Variants in ACLY observed in about 807,000 individuals in gnomAD.
ACLY encodes the protein ATP-citrate synthase.
Under a neutral mutation model 133.0 loss-of-function variants are expected in ACLY, and 41 were observed. The ratio of observed to expected loss-of-function variants is 0.31; its 90% CI spans 0.24 to 0.40. ACLY has a LOEUF of 0.40. Among genes scored for constraint, ACLY ranks in the 10% least tolerant of loss-of-function variants. The probability of loss-of-function intolerance (pLI) is 1.00; values close to 1 mark genes in which losing one functional copy is unlikely to be tolerated. For synonymous variants in ACLY, 495 were observed against 549.3 expected (o/e 0.90, Z 1.38); for missense variants, 1,046 against 1,453.8 (o/e 0.72, Z 4.56).
At position 41,928,548 on chromosome 17, in the gene ACLY, G is replaced by GA. The variant is rs781920464; in HGVS notation, c.-28+1809dup. ...TCTTAAAATCAGCTTGTTAATTACT[G>GA]AAAAAAAAAAAAGGCTGCTGGGGCC... is the stretch of plus-strand genomic sequence containing the variant. On this transcript the variant is annotated intron_variant, in intron 1 of 3. Coordinates refer to the ACLY transcript ENST00000592970. Among the ~76,000 whole-genome samples, 695 of 140,654 alleles carry GA rather than the reference G, an allele frequency of 4.9e-3. 3 individuals carry two copies. The highest frequency in any genetic ancestry group is 0.015 in the Middle Eastern group (4 of 260). The allele number at this position is 140,654 out of a possible 152,430, so 92.3% of individuals were successfully genotyped here. A position where few individuals can be genotyped will look rare whatever the true frequency, so the allele number is the denominator to read the frequency against.
At chr17:41,890,822 G>A (rs2049187314) in intron 16 of ACLY, among the ~76,000 whole-genome samples, 1 of 78,418 alleles carries the variant, frequency 1.3e-5, no homozygotes, top group South Asian at 4.6e-4. Flanking sequence ...CCAACATGGT[G>A]AAACCCCATC....
At position 41,892,264 on chromosome 17, in the gene ACLY, A is replaced by T; in HGVS notation, c.1770+15T>A. The T allele has an allele frequency of 2.5e-6, 1 of 398,900 alleles. No homozygotes were observed. Among genetic ancestry groups the T allele is most frequent in the Non-Finnish European group, 4.0e-6 (1 of 252,044 alleles). The allele number at this position is 398,900 out of a possible 1,614,324, so 24.7% of individuals were successfully genotyped here. On this transcript the variant is annotated intron_variant, in intron 16 of 28. Coordinates refer to ENST00000352035, the MANE Select transcript of ACLY (RefSeq NM_001096.3). Reference sequence around the variant, plus strand: ...ATGGTCCCCACCCCCCACCCTCCAGAGCCCAGTGATCTACCTGGGCATAGT... The same window carrying T: ...ATGGTCCCCACCCCCCACCCTCCAGTGCCCAGTGATCTACCTGGGCATAGT...
At chr17:41,916,909 C>T (rs576817419) in intron 1 of ACLY, among the ~76,000 whole-genome samples, 1 of 151,846 alleles carries the variant, frequency 6.6e-6, no homozygotes, top group Admixed American at 6.6e-5. Context: ...CTTCGGGAGG[C>T]CAAGGAGGGC....
Position 41,867,092 on chromosome 17 carries a change from T to A in ACLY, c.*718A>T, listed in dbSNP as rs1487531260. Reference sequence around the variant, plus strand: ...ATCAGCTGCATAAATACAGAGAACATAAGACACAAGACATTTCACAGCTTT... The same window carrying A: ...ATCAGCTGCATAAATACAGAGAACAAAAGACACAAGACATTTCACAGCTTT... On this transcript the variant is annotated 3_prime_UTR_variant, in exon 29 of 29. Transcript: ENST00000352035. The A allele has an allele frequency of 6.6e-6, 1 of 152,586 alleles. No individual in the cohort carries two copies. Among genetic ancestry groups the A allele is most frequent in the Non-Finnish European group, 1.5e-5 (1 of 68,008 alleles). 9.5% of individuals were successfully genotyped at this position (152,586 alleles called of 1,614,324 possible).
At chr17:41,894,618 C>T (rs960831677) in intron 14 of ACLY, among the ~76,000 whole-genome samples, 2 of 150,882 alleles carry the variant, frequency 1.3e-5, no homozygotes, top group African/African-American at 4.9e-5. Flanking sequence ...CACGCCTGTA[C>T]CAAAATATCT....
At chr17:41,872,980 C>T (rs1450528090) in intron 23 of ACLY, among the ~76,000 whole-genome samples, 1 of 152,192 alleles carries the variant, frequency 6.6e-6, no homozygotes, top group African/African-American at 2.4e-5. Flanking sequence ...GGGCATGACA[C>T]AACCAAAGAC....
intron 10 of ACLY, 141 bp from the exon 11 acceptor site, chr17:41,901,954 C>G: frequency 1.6e-6 from 1 of 628,748 alleles, no homozygotes; most frequent in South Asian, 2.2e-5. Context: ...GCAGCCACGG[C>G]CTGGGATATG....
At chr17:41,875,712 G>A (rs1335310015) in intron 22 of ACLY, among the ~76,000 whole-genome samples, 1 of 152,236 alleles carries the variant, frequency 6.6e-6, no homozygotes, top group Non-Finnish European at 1.5e-5. Flanking sequence ...CTGAGGTGCC[G>A]GGATTGCAGA....
intron 18 of ACLY, 115 bp downstream of exon 18, chr17:41,885,997 G>A: frequency 1.0e-6 from 1 of 988,816 alleles, no homozygotes; most frequent in Non-Finnish European, 1.6e-6. Flanking sequence ...GACTTCAGCA[G>A]CATTCCTGCG....
chr17:41,871,175 G>A (rs550458512), intron 25 of ACLY, among the ~76,000 whole-genome samples: 2 of 152,260 alleles, frequency 1.3e-5, no homozygotes, highest in Admixed American at 6.5e-5. Context: ...TACTGCAAGC[G>A]AACGACAGAA....
At position 41,867,120 on chromosome 17, in the gene ACLY, G is replaced by A. The variant is rs532645872; in HGVS notation, c.*690C>T. The A allele has an allele frequency of 2.6e-5, 4 of 152,528 alleles. No homozygotes were observed. The highest frequency in any genetic ancestry group is 4.4e-5 in the Non-Finnish European group (3 of 68,022). The allele number at this position is 152,528 out of a possible 1,614,324, so 9.4% of individuals were successfully genotyped here. A position where few individuals can be genotyped will look rare whatever the true frequency, so the allele number is the denominator to read the frequency against. ...GACACAAGACATTTCACAGCTTTCT[G>A]CATTTCCATTTTAAATGTATGTATG... On this transcript the variant is annotated 3_prime_UTR_variant, in exon 29 of 29. Transcript: ENST00000352035.
chr17:41,910,196 C>T (rs1728031240), intron 4 of ACLY, 26 bp downstream of exon 4: 1 of 1,609,838 alleles, frequency 6.2e-7, no homozygotes. Context: ...GGGAGAAGAC[C>T]CAGCCTGGAG....
chr17:41,925,428 C>T (rs1192947931), intron 1 of ACLY, among the ~76,000 whole-genome samples: 1 of 122,798 alleles, frequency 8.1e-6, no homozygotes, highest in Non-Finnish European at 1.7e-5. Context: ...AAAACACCTT[C>T]TCTACCAAAA....
At chr17:41,893,464 A>C (rs894352557) in intron 14 of ACLY, among the ~76,000 whole-genome samples, 1 of 152,260 alleles carries the variant, frequency 6.6e-6, no homozygotes, top group Non-Finnish European at 1.5e-5. Context: ...AAAGATGCCC[A>C]GGATAATTCC....
chr17:41,919,112 ACGAGGGCGGGCCCCGGGGCCTGCT>A, upstream of ACLY: 1 of 1,159,938 alleles, frequency 8.6e-7, no homozygotes, highest in Non-Finnish European at 1.1e-6. Context: ...GCTCCGCCCC[ACGAGGGCGGGCCCCGGGGCCTGCT>A]GGGACTTGTA....
At chr17:41,880,029 G>A (rs1326237650) in intron 20 of ACLY, among the ~76,000 whole-genome samples, 3 of 152,048 alleles carry the variant, frequency 2.0e-5, no homozygotes, top group East Asian at 3.9e-4. Flanking sequence ...CGCGCCCAGC[G>A]TGACTGAGTC....
intron 1 of ACLY, among the ~76,000 whole-genome samples, chr17:41,924,589 C>T (rs1343705248): frequency 3.9e-5 from 6 of 152,136 alleles, no homozygotes; most frequent in Admixed American, 1.3e-4. Context: ...TTCTAACTTC[C>T]GCACCACTCA....
intron 7 of ACLY, among the ~76,000 whole-genome samples, chr17:41,906,929 T>G (rs537466968): frequency 1.3e-5 from 2 of 152,232 alleles, no homozygotes; most frequent in South Asian, 4.1e-4. Context: ...CCTAACCATG[T>G]CCCTCTGCTC....
intron 16 of ACLY, among the ~76,000 whole-genome samples, chr17:41,889,456 T>C (rs1555628820): frequency 7.7e-6 from 1 of 129,162 alleles, no homozygotes; most frequent in Admixed American, 1.0e-4. Context: ...GAGGTGGAGG[T>C]TGCAGTGAAC....
Sources: allele counts gnomAD v4.1 joint callset (sites outside exome capture counted in the v4.1 genomes callset), GRCh38; gene constraint gnomAD v4.1.1; transcripts MANE v1.5; gene names NCBI Gene and HGNC (gene_info 2026-07-23, HGNC 2026-07-21).